Variants in CACNA1C observed in about 807,000 individuals in gnomAD.
The protein encoded by CACNA1C is voltage-dependent L-type calcium channel subunit alpha-1C.
CACNA1C carries 30 observed loss-of-function variants against 229.0 expected under a neutral mutation model. That is an observed-to-expected ratio of 0.13 (90% CI 0.10 to 0.18). The LOEUF (loss-of-function observed/expected upper bound fraction) is 0.18, where lower values mean the gene tolerates loss of function less well. Among genes scored for constraint, CACNA1C ranks in the 10% least tolerant of loss-of-function variants. The pLI is 1.00. For synonymous variants in CACNA1C, 1,114 were observed against 1,132.5 expected, an observed-to-expected ratio of 0.98 and a Z score of 0.33; for missense variants, 1,658 against 2,845.0, an observed-to-expected ratio of 0.58 and a Z score of 9.49.
At chr12:2,118,081 GA>G (rs2084815081) in intron 2 of CACNA1C, among the ~76,000 whole-genome samples, 1 of 152,240 alleles carries the variant, frequency 6.6e-6, no homozygotes, top group Admixed American at 6.5e-5. Flanking sequence ...TTCTCTGCCT[GA>G]TTGGTTTTTA....
intron 1 of CACNA1C, among the ~76,000 whole-genome samples, chr12:2,112,050 G>T (rs2081976344): frequency 6.6e-6 from 1 of 152,210 alleles, no homozygotes; most frequent in South Asian, 2.1e-4. Context: ...ATGTGTGCGT[G>T]CATGTGGAGT....
At chr12:2,412,113 C>T (rs987880960) in intron 3 of CACNA1C, among the ~76,000 whole-genome samples, 2 of 152,116 alleles carry the variant, frequency 1.3e-5, no homozygotes, top group African/African-American at 4.8e-5. Flanking sequence ...GCTCGTTACC[C>T]CTGTGGCTGT....
In CACNA1C at chr12:2,677,207, G is replaced by A. The variant is rs370432385; in HGVS notation, c.4942G>A (p.Ala1648Thr). Residue 1648 changes from alanine (A) to threonine (T), a missense_variant, in exon 40 of 47, where the codon GCG (alanine) becomes ACG (threonine). Ala to Thr is a moderately conservative substitution (Grantham distance 58, BLOSUM62 0). Around this residue, in one of 20 missense-constraint regions of CACNA1C, gnomAD observed 590 missense variants for 700.8 expected, o/e 0.84. Transcript: ENST00000399655. This position sits in a 1 kb window ranked among gnomAD's most constrained non-coding sequence, Gnocchi z 7.4. The stretch of plus-strand genomic sequence containing the variant: ...TGTGGGCAAGCCCTCCCAGAGGAAC[G>A]CGCTGTCTCTGCAGGTGAGGGCCTG... ...GLVGKPSQRN[A>T]LSLQAGLRTL... The A allele has an allele frequency of 6.1e-5, 98 of 1,613,592 alleles. No individual in the cohort carries two copies. The highest frequency in any genetic ancestry group is 1.6e-4 in the Middle Eastern group (1 of 6,084).
chr12:2,499,132 T>G (rs1275433741), intron 7 of CACNA1C, among the ~76,000 whole-genome samples: 2 of 152,118 alleles, frequency 1.3e-5, no homozygotes, highest in East Asian at 3.9e-4. Flanking sequence ...AACTTCCTGC[T>G]CACTTGGTGC....
chr12:2,526,934 G>T (rs933075350), intron 9 of CACNA1C, among the ~76,000 whole-genome samples: 12 of 152,146 alleles, frequency 7.9e-5, no homozygotes, highest in African/African-American at 2.9e-4. Context: ...GAAGAGCTTT[G>T]ATAAGAGAAA....
intron 3 of CACNA1C, among the ~76,000 whole-genome samples, chr12:2,270,802 G>T (rs1286025914): frequency 2.6e-5 from 4 of 152,194 alleles, no homozygotes; most frequent in Admixed American, 6.5e-5. Flanking sequence ...TCTTTTGGGT[G>T]AAGTCTTACT....
intron 3 of CACNA1C, among the ~76,000 whole-genome samples, chr12:2,351,807 T>C (rs7306573): frequency 0.13 from 19,678 of 152,102 alleles, 4,233 homozygotes; most frequent in African/African-American, 0.45. Context: ...CCCCTTTCCC[T>C]ACCCCTACCC....
chr12:2,143,164 CG>C (rs1472823262), intron 3 of CACNA1C, among the ~76,000 whole-genome samples: 1 of 150,878 alleles, frequency 6.6e-6, no homozygotes, highest in Non-Finnish European at 1.5e-5. Context: ...TTAGTAGAGA[CG>C]GGGTTTCACC....
chr12:2,013,019 A>G (rs377697078), intron 1 of CACNA1C, among the ~76,000 whole-genome samples: 1 of 152,184 alleles, frequency 6.6e-6, no homozygotes, highest in African/African-American at 2.4e-5. Context: ...CAATCTCCCT[A>G]AACTACAGAA....
chr12:2,574,591 C>A (rs371315998), intron 13 of CACNA1C, among the ~76,000 whole-genome samples: 1 of 152,194 alleles, frequency 6.6e-6, no homozygotes, highest in African/African-American at 2.4e-5. Flanking sequence ...TAAATCTTGG[C>A]CACATATGGG....
intron 3 of CACNA1C, among the ~76,000 whole-genome samples, chr12:2,416,831 C>CT (rs776497958): frequency 6.6e-6 from 1 of 152,230 alleles, no homozygotes; most frequent in South Asian, 2.1e-4. Context: ...AACGAGGACT[C>CT]TAAGAATCAG....
intron 1 of CACNA1C, among the ~76,000 whole-genome samples, chr12:2,026,788 A>G (rs2047404450): frequency 6.6e-6 from 1 of 152,250 alleles, no homozygotes; most frequent in African/African-American, 2.4e-5. Context: ...TTTACTGTGT[A>G]CAAGACTTTG....
In CACNA1C at chr12:2,089,850, T is replaced by C. The variant is rs1000569714; in HGVS notation, c.50-25374T>C. On this transcript the variant is annotated intron_variant, in intron 1 of 46. Coordinates refer to ENST00000399655, the MANE Select transcript of CACNA1C (RefSeq NM_000719.7). ...GAGATCGAGACCAGCCTGGCCAACA[T>C]AGTGAAACCCCTACTAAAAATACAA... Among the ~76,000 whole-genome samples the C allele has an allele frequency of 5.5e-5, 8 of 145,182 alleles. No homozygotes were observed. The South Asian group carries it at 9.1e-4, about 17-fold the overall frequency.
At chr12:2,013,365 AC>A (rs2044765648) in intron 1 of CACNA1C, among the ~76,000 whole-genome samples, 1 of 152,270 alleles carries the variant, frequency 6.6e-6, no homozygotes, top group South Asian at 2.1e-4. Context: ...TATATCCTGC[AC>A]AAAAGAGTCA....
rs1201961156 is a variant in CACNA1C, at chr12:2,321,926, C to T, written c.478-127050C>T. Among the ~76,000 whole-genome samples the T allele has an allele frequency of 3.3e-5, 5 of 152,230 alleles. No individual in the cohort carries two copies. In the East Asian group the frequency reaches 9.6e-4, roughly 29 times the overall value. On this transcript the variant is annotated intron_variant, in intron 3 of 46. Coordinates refer to ENST00000399655, the MANE Select transcript of CACNA1C (RefSeq NM_000719.7). ...AATCCCAAGGTGACCTGGTGGTATA[C>T]ATCAGAGAATCTTCCACCTGGGAGT...
intron 5 of CACNA1C, among the ~76,000 whole-genome samples, chr12:2,468,046 G>A (rs1425654549): frequency 2.6e-5 from 4 of 152,244 alleles, no homozygotes; most frequent in Non-Finnish European, 4.4e-5. Flanking sequence ...CAGATAGGAA[G>A]GGAAGAGGCC....
intron 13 of CACNA1C, among the ~76,000 whole-genome samples, chr12:2,573,145 G>T (rs2057063422): frequency 6.6e-6 from 1 of 152,044 alleles, no homozygotes; most frequent in Non-Finnish European, 1.5e-5. Context: ...AAACTCCTGG[G>T]CTCAAGTGAT....
rs747314472 is a variant in CACNA1C, at chr12:2,601,972, C to A, written c.2960+12C>A. 2 of 1,554,570 alleles carry A rather than the reference C, an allele frequency of 1.3e-6. No homozygotes were observed. Among genetic ancestry groups the A allele is most frequent in the Non-Finnish European group, 1.8e-6 (2 of 1,125,762 alleles). ...TCCTTTGGCATCCAGTGAGTGGGAG[C>A]CCCTCAGCCCACGATGGGCCATGCA... On this transcript the variant is annotated intron_variant, in intron 22 of 46. Transcript: ENST00000399655. The surrounding 1 kb of genome is among the most constrained non-coding windows in gnomAD (Gnocchi z 5.9).
intron 3 of CACNA1C, among the ~76,000 whole-genome samples, chr12:2,186,043 C>T (rs1036109264): frequency 6.6e-6 from 1 of 152,194 alleles, no homozygotes; most frequent in Non-Finnish European, 1.5e-5. Flanking sequence ...TCACTCGGTT[C>T]CCTACTCTGA....
Sources: allele counts gnomAD v4.1 joint callset (sites outside exome capture counted in the v4.1 genomes callset), GRCh38; gene constraint gnomAD v4.1.1; regional missense constraint gnomAD v4.1.1; non-coding constraint Gnocchi (gnomAD v3.1); transcripts MANE v1.5; gene names NCBI Gene and HGNC (gene_info 2026-07-23, HGNC 2026-07-21).